Variants in OTUD7A observed in about 807,000 individuals in gnomAD.
OTUD7A encodes the protein OTU deubiquitinase 7A.
Under a neutral mutation model 65.7 loss-of-function variants are expected in OTUD7A, and 12 were observed. The observed-to-expected ratio is 0.18, with a 90% CI of 0.12 to 0.30. OTUD7A has a LOEUF of 0.30. Among genes scored for constraint, OTUD7A ranks in the 10% least tolerant of loss-of-function variants. OTUD7A has a pLI of 1.00. For synonymous variants in OTUD7A, 641 were observed against 586.3 expected (o/e 1.09, Z -1.35); for missense variants, 1,148 against 1,304.8 (o/e 0.88, Z 1.85).
chr15:31,615,209 T>C (rs1890549822), intron 3 of OTUD7A, among the ~76,000 whole-genome samples: 1 of 152,162 alleles, frequency 6.6e-6, no homozygotes. Context: ...AGACTGGATT[T>C]AAAAAACCTT....
chr15:31,717,926 C>T (rs11071299), intron 1 of OTUD7A, among the ~76,000 whole-genome samples: 105,777 of 152,134 alleles, frequency 0.7, 37,233 homozygotes, highest in South Asian at 0.8. Flanking sequence ...TTTTAATGAT[C>T]ACCATTCTAA....
chr15:31,508,965 A>G (rs1351684766), intron 8 of OTUD7A, among the ~76,000 whole-genome samples: 1 of 152,250 alleles, frequency 6.6e-6, no homozygotes, highest in Non-Finnish European at 1.5e-5. Context: ...GCTTTGAGAA[A>G]GTTAAGCACT....
At chr15:31,616,772 G>A (rs983790652) in intron 3 of OTUD7A, among the ~76,000 whole-genome samples, 1 of 152,102 alleles carries the variant, frequency 6.6e-6, no homozygotes, top group Non-Finnish European at 1.5e-5. Flanking sequence ...TTGAACTCCT[G>A]ACCTCAGGTG....
rs150848249 is a variant in OTUD7A, at chr15:31,697,674, T to G, written c.-99-40597A>C. On this transcript the variant is annotated intron_variant, in intron 1 of 12. Coordinates refer to ENST00000307050, the MANE Select transcript of OTUD7A (RefSeq NM_001382637.1). ...AGGCATGCGCCATATTCTCTATCAT[T>G]ACATTTTCACAACAACCCCGCGCTG... Among the ~76,000 whole-genome samples, 367 of 152,304 alleles carry G rather than the reference T, an allele frequency of 2.4e-3. 10 individuals carry two copies. The East Asian group carries it at 0.064, about 26-fold the overall frequency.
chr15:31,853,922 G>C (rs574791230), intron 1 of OTUD7A, among the ~76,000 whole-genome samples: 363 of 152,316 alleles, frequency 2.4e-3, no homozygotes, highest in Non-Finnish European at 4.4e-3. Context: ...GGAAGGAGAA[G>C]AGCAAATGCA....
At chr15:31,740,452 G>A (rs1330392195) in intron 1 of OTUD7A, among the ~76,000 whole-genome samples, 1 of 151,700 alleles carries the variant, frequency 6.6e-6, no homozygotes, top group Non-Finnish European at 1.5e-5. Context: ...TGGGAGGTGG[G>A]AGGAAGGAGA....
chr15:31,856,927 C>A (rs1897589804), intron 1 of OTUD7A, among the ~76,000 whole-genome samples: 1 of 152,214 alleles, frequency 6.6e-6, no homozygotes, highest in Non-Finnish European at 1.5e-5. Context: ...CCAGCCCCTG[C>A]CCACTGAGCC....
intron 5 of OTUD7A, among the ~76,000 whole-genome samples, chr15:31,553,160 C>A (rs1888379157): frequency 6.6e-6 from 1 of 152,120 alleles, no homozygotes; most frequent in South Asian, 2.1e-4. Flanking sequence ...CTGATTGCTC[C>A]CTTCTTGAAA....
intron 4 of OTUD7A, among the ~76,000 whole-genome samples, chr15:31,562,747 G>A (rs1399502363): frequency 1.3e-5 from 2 of 152,140 alleles, no homozygotes; most frequent in Non-Finnish European, 2.9e-5. Context: ...GGCTTTGTGG[G>A]CCATGCAGTC....
At chr15:31,598,049 G>A (rs1232413944) in intron 3 of OTUD7A, among the ~76,000 whole-genome samples, 1 of 152,124 alleles carries the variant, frequency 6.6e-6, no homozygotes, top group Non-Finnish European at 1.5e-5. Context: ...GATGGCCAAG[G>A]GAGCCTGGTC....
intron 1 of OTUD7A, among the ~76,000 whole-genome samples, chr15:31,812,264 C>T (rs550820524): frequency 2.6e-4 from 40 of 152,310 alleles, no homozygotes; most frequent in African/African-American, 9.1e-4. Flanking sequence ...AGGGCTTCCA[C>T]ACTCCTCCAC....
At chr15:31,640,288 C>G (rs941545584) in intron 3 of OTUD7A, among the ~76,000 whole-genome samples, 2 of 152,078 alleles carry the variant, frequency 1.3e-5, no homozygotes, top group Non-Finnish European at 2.9e-5. Flanking sequence ...TAAAAGACTA[C>G]AAATAGGGTT....
intron 1 of OTUD7A, among the ~76,000 whole-genome samples, chr15:31,862,547 G>C (rs1294794653): frequency 6.6e-6 from 1 of 152,142 alleles, no homozygotes; most frequent in Non-Finnish European, 1.5e-5. Context: ...AGTGGCAAGA[G>C]AAAAATAAGG....
chr15:31,724,484 G>C (rs902865400), intron 1 of OTUD7A, among the ~76,000 whole-genome samples: 9 of 152,164 alleles, frequency 5.9e-5, no homozygotes, highest in South Asian at 2.1e-4. Flanking sequence ...CATGATCTGT[G>C]CTTCATCAAT....
At chr15:31,767,088 T>C in intron 1 of OTUD7A, 5 of 1,566,554 alleles carry the variant, frequency 3.2e-6, no homozygotes, top group South Asian at 1.2e-5. Flanking sequence ...TGCTTATCTG[T>C]AGTCTCTCAG....
intron 1 of OTUD7A, among the ~76,000 whole-genome samples, chr15:31,786,073 G>A (rs971520306): frequency 6.6e-6 from 1 of 152,084 alleles, no homozygotes; most frequent in Non-Finnish European, 1.5e-5. Context: ...AGAGACCTGA[G>A]CCAGCACGCT....
At chr15:31,723,122 G>T (rs28474990) in intron 1 of OTUD7A, among the ~76,000 whole-genome samples, 104,348 of 150,030 alleles carry the variant, frequency 0.7, 36,515 homozygotes, top group South Asian at 0.79. Flanking sequence ...AGGTGAAGGA[G>T]GCAAGGACCT....
At chr15:31,709,173 C>T (rs140545789) in intron 1 of OTUD7A, among the ~76,000 whole-genome samples, 3,320 of 148,004 alleles carry the variant, frequency 0.022, 147 homozygotes, top group African/African-American at 0.082. Context: ...CTCCTAGCTA[C>T]GCCTGCTAGA....
At chr15:31,828,383 T>C (rs777120112) in intron 1 of OTUD7A, among the ~76,000 whole-genome samples, 8 of 152,218 alleles carry the variant, frequency 5.3e-5, no homozygotes, top group African/African-American at 9.6e-5. Context: ...AATGTTTCAA[T>C]AGATGTTTAC....
Sources: allele counts gnomAD v4.1 joint callset (sites outside exome capture counted in the v4.1 genomes callset), GRCh38; gene constraint gnomAD v4.1.1; transcripts MANE v1.5; gene names NCBI Gene and HGNC (gene_info 2026-07-23, HGNC 2026-07-21).